BUB1: variants seen among roughly 807,000 people sequenced by gnomAD.
BUB1 encodes BUB1 mitotic checkpoint serine/threonine kinase.
A neutral mutation model predicts 135.2 loss-of-function variants in BUB1; 84 were observed. The observed-to-expected ratio is 0.62, with a 90% CI of 0.52 to 0.74. The LOEUF is 0.74. BUB1 is among the 30% of genes least tolerant of loss of function. BUB1 has a pLI of 0.00. For synonymous variants in BUB1, 403 were observed against 434.4 expected (o/e 0.93, Z 0.90); for missense variants, 1,162 against 1,288.3 (o/e 0.90, Z 1.50).
chr2:110,656,520 T>C (rs535581943), intron 15 of BUB1, among the ~76,000 whole-genome samples: 2 of 152,344 alleles, frequency 1.3e-5, no homozygotes, highest in African/African-American at 2.4e-5. Context: ...TGTTTTCTCA[T>C]GATTAGACTG....
chr2:110,655,989 C>T (rs979106395), intron 15 of BUB1, 73 bp from the exon 16 acceptor site: 7 of 1,372,872 alleles, frequency 5.1e-6, no homozygotes, highest in African/African-American at 1.5e-5. Flanking sequence ...TTCAATAACA[C>T]TTTAAGATCC....
At chr2:110,667,927 T>C in intron 6 of BUB1, 78 bp from the exon 7 acceptor site, 5 of 1,393,012 alleles carry the variant, frequency 3.6e-6, no homozygotes, top group East Asian at 2.3e-5. Context: ...CAAAACAATA[T>C]GAAAATGCTT....
chr2:110,652,041 T>C (rs1488735421), intron 17 of BUB1, among the ~76,000 whole-genome samples: 1 of 151,732 alleles, frequency 6.6e-6, no homozygotes, highest in African/African-American at 2.4e-5. Flanking sequence ...TGGAAGTATA[T>C]GTATACATAT....
chr2:110,677,895 T>C, intron 1 of BUB1, 75 bp downstream of exon 1: 3 of 1,520,874 alleles, frequency 2.0e-6, no homozygotes, highest in African/African-American at 1.4e-5. Flanking sequence ...AGAAGGCAGG[T>C]CTGGGGCGGG....
At position 110,648,382 on chromosome 2, in the gene BUB1, G is replaced by A. The variant is rs180896749; in HGVS notation, c.2347+852C>T. 6.6e-5 allele frequency among the ~76,000 whole-genome samples: 10 copies of A among 152,266 alleles called. No individual in the cohort carries two copies. Among genetic ancestry groups the A allele is most frequent in the South Asian group, 6.2e-4 (3 of 4,832 alleles). On this transcript the variant is annotated intron_variant, in intron 19 of 24. Transcript: ENST00000302759. This position sits in a 1 kb window ranked among gnomAD's most constrained non-coding sequence, Gnocchi z 4.2. ...GCAAAACAATCAGTGGTTGCCAGGC[G>A]TTGGGGGACAAGGAGGAAGGGATGA...
At chr2:110,677,776 G>A (rs976015608) in intron 1 of BUB1, among the ~76,000 whole-genome samples, 194 bp downstream of exon 1, 1 of 152,336 alleles carries the variant, frequency 6.6e-6, no homozygotes. Context: ...GACAAGCGCC[G>A]GGCCTCAGCG....
At chr2:110,671,439 T>G (rs933015860) in intron 4 of BUB1, among the ~76,000 whole-genome samples, 1 of 152,192 alleles carries the variant, frequency 6.6e-6, no homozygotes, top group East Asian at 1.9e-4. Context: ...TTCTTTTTTA[T>G]GTGTGTTTGA....
chr2:110,663,956 G>A (rs918605571), intron 9 of BUB1, among the ~76,000 whole-genome samples: 21 of 151,448 alleles, frequency 1.4e-4, no homozygotes, highest in Admixed American at 1.1e-3. Flanking sequence ...GTGAACCCGG[G>A]AGGCGGAGCT....
chr2:110,649,626 A>C (rs1689729202), intron 18 of BUB1, among the ~76,000 whole-genome samples: 1 of 152,198 alleles, frequency 6.6e-6, no homozygotes. Flanking sequence ...AAAGGGAATC[A>C]ACTCTAGGTG....
At chr2:110,657,437 C>A in intron 14 of BUB1, 109 bp downstream of exon 14, 5 of 757,118 alleles carry the variant, frequency 6.6e-6, no homozygotes, top group Non-Finnish European at 1.0e-5. Context: ...GGTCAAAAGG[C>A]TCATTTGACC....
rs370160053 is a variant in BUB1 at position 110,667,782 on chromosome 2, A to T, written c.620+15T>A. The T allele has an allele frequency of 6.2e-7, 1 of 1,612,440 alleles. No individual in the cohort carries two copies. The highest frequency in any genetic ancestry group is 8.5e-7 in the Non-Finnish European group (1 of 1,179,314). On this transcript the variant is annotated intron_variant, in intron 7 of 24. Transcript: ENST00000302759. Reference sequence around the variant, plus strand: ...AAGGAAACTAATAATAGATTAATGCACTGATTATACTTGCATATTTGACTC... The same window carrying T: ...AAGGAAACTAATAATAGATTAATGCTCTGATTATACTTGCATATTTGACTC...
chr2:110,670,432 C>A, intron 5 of BUB1, 93 bp downstream of exon 5: 1 of 1,450,190 alleles, frequency 6.9e-7, no homozygotes, highest in South Asian at 1.2e-5. Context: ...GCCACCATGC[C>A]CAGCCGGGTT....
chr2:110,666,757 A>T (rs1422765255), intron 8 of BUB1, among the ~76,000 whole-genome samples: 2 of 152,174 alleles, frequency 1.3e-5, no homozygotes, highest in Non-Finnish European at 2.9e-5. Flanking sequence ...TTTTAAAATA[A>T]ATTTTTATTT....
Position 110,653,353 on chromosome 2 carries a change from A to G in BUB1, c.1964+83T>C, listed in dbSNP as rs534257095. 3,210 of 1,439,048 alleles carry G rather than the reference A, an allele frequency of 2.2e-3. 2 individuals are homozygous for G. The highest frequency in any genetic ancestry group is 2.9e-3 in the Non-Finnish European group (2,944 of 1,029,874). 89.1% of individuals were successfully genotyped at this position (1,439,048 alleles called of 1,614,324 possible). A position where few individuals can be genotyped will look rare whatever the true frequency, so the allele number is the denominator to read the frequency against. ...AATTAGGTATTCTATTACAGCCTAA[A>G]AGGCAAAGCTAGAATGAAAATGGTA... On this transcript the variant is annotated intron_variant, in intron 17 of 24. Transcript: ENST00000302759.
In BUB1 at chr2:110,661,660, T is replaced by A; in HGVS notation, c.1139A>T (p.Gln380Leu). The A allele has an allele frequency of 1.2e-6, 2 of 1,614,210 alleles. No individual in the cohort carries two copies. Among genetic ancestry groups the A allele is most frequent in the Non-Finnish European group, 1.7e-6 (2 of 1,180,034 alleles). The change falls in exon 10 of 25, where the codon CAG (glutamine) becomes CTG (leucine). Residue 380 changes from glutamine (Q) to leucine (L), a missense_variant. By Grantham distance (113) the Gln-to-Leu change is moderately radical. Transcript: ENST00000302759. ...SAALVSPATS[Q>L]SIAPPVPLKA... ...CAAAGGAACAGGAGGAGCAATGCTC[T>A]GGCTGGTGGCTGGGGACACCAAAGC...
intron 6 of BUB1, among the ~76,000 whole-genome samples, chr2:110,668,416 A>G (rs770286472): frequency 3.9e-5 from 6 of 152,192 alleles, no homozygotes; most frequent in Non-Finnish European, 8.8e-5. Flanking sequence ...TGTAGGACGT[A>G]AAATGTAAAT....
chr2:110,672,906 C>T, intron 3 of BUB1, 49 bp from the exon 4 acceptor site: 1 of 1,492,050 alleles, frequency 6.7e-7, no homozygotes, highest in Non-Finnish European at 8.9e-7. Context: ...AACTGCTAGT[C>T]TATGTCTGGT....
At chr2:110,676,339 CAT>C (rs1240699565) in intron 1 of BUB1, among the ~76,000 whole-genome samples, 1 of 152,118 alleles carries the variant, frequency 6.6e-6, no homozygotes, top group Non-Finnish European at 1.5e-5. Context: ...AACTAAAAAA[CAT>C]GTGAAAAGAT....
chr2:110,640,710 T>C (rs1279256983), intron 23 of BUB1, among the ~76,000 whole-genome samples: 1 of 152,154 alleles, frequency 6.6e-6, no homozygotes, highest in Non-Finnish European at 1.5e-5. Flanking sequence ...CCTACCTTGA[T>C]CTCAATAAAC....
Sources: allele counts gnomAD v4.1 joint callset (sites outside exome capture counted in the v4.1 genomes callset), GRCh38; gene constraint gnomAD v4.1.1; non-coding constraint Gnocchi (gnomAD v3.1); transcripts MANE v1.5; gene names NCBI Gene and HGNC (gene_info 2026-07-23, HGNC 2026-07-21).